The following ST18 variants were observed in gnomAD, a reference collection of about 807,000 sequenced individuals.
The protein encoded by ST18 is suppression of tumorigenicity 18 protein.
In ST18, 50 loss-of-function variants were observed where a neutral mutation model predicts 110.0. The ratio of observed to expected loss-of-function variants is 0.45; its 90% CI spans 0.36 to 0.58. The LOEUF (loss-of-function observed/expected upper bound fraction) is 0.58. ST18 is among the 20% of genes least tolerant of loss of function. The probability of loss-of-function intolerance (pLI) is 0.00; values close to 1 mark genes in which losing one functional copy is unlikely to be tolerated. For synonymous variants in ST18, 461 were observed against 452.4 expected, an observed-to-expected ratio of 1.02 and a Z score of -0.24; for missense variants, 1,306 against 1,280.1, an observed-to-expected ratio of 1.02 and a Z score of -0.31.
At chr8:52,266,617 C>T (rs2094880708) in intron 2 of ST18, among the ~76,000 whole-genome samples, 1 of 150,782 alleles carries the variant, frequency 6.6e-6, no homozygotes, top group South Asian at 2.1e-4. Flanking sequence ...TCTCGGCTCA[C>T]TGCAGCCTCC....
At chr8:52,166,672 T>C (rs965704543) in intron 11 of ST18, among the ~76,000 whole-genome samples, 180 bp downstream of exon 11, 20 of 152,258 alleles carry the variant, frequency 1.3e-4, no homozygotes, top group Non-Finnish European at 2.6e-4. Flanking sequence ...TTGGCTTTCT[T>C]GCACCTTGAA....
At chr8:52,311,966 C>T (rs1361954303) in intron 2 of ST18, among the ~76,000 whole-genome samples, 2 of 152,194 alleles carry the variant, frequency 1.3e-5, no homozygotes, top group Non-Finnish European at 2.9e-5. Context: ...AACAAACTTG[C>T]AGAAATAATA....
In ST18 at chr8:52,113,954, G is replaced by GTTTTTTTTTTTTTTTT. The variant is rs1158213340; in HGVS notation, c.3004-632_3004-617dup. Among the ~76,000 whole-genome samples the GTTTTTTTTTTTTTTTT allele has an allele frequency of 4.0e-4, 18 of 45,442 alleles. 6 individuals are homozygous for GTTTTTTTTTTTTTTTT. The highest frequency in any genetic ancestry group is 9.5e-4 in the Admixed American group (2 of 2,100). The allele number at this position is 45,442 out of a possible 152,430, so 29.8% of individuals were successfully genotyped here. On this transcript the variant is annotated intron_variant, in intron 25 of 25. Transcript: ENST00000689386. ...CAAAGTTTAAATTTATTCATACCGT[G>GTTTTTTTTTTTTTTTT]TTTTTTTTTTTTTTTTTTTTTTTTT...
intron 25 of ST18, among the ~76,000 whole-genome samples, chr8:52,113,959 T>TTTG (rs2041464891): frequency 4.5e-5 from 2 of 44,700 alleles, no homozygotes; most frequent in Non-Finnish European, 7.5e-5. Context: ...ACCGTGTTTT[T>TTTG]TTTTTTTTTT....
At position 52,170,447 on chromosome 8, in the gene ST18, AAAATCAATAAATAAAT is replaced by A. The variant is rs1368006743; in HGVS notation, c.1069+1329_1069+1344del. Among the ~76,000 whole-genome samples the A allele has an allele frequency of 9.0e-3, 1,266 of 140,056 alleles. 18 individuals are homozygous for A. Among genetic ancestry groups the A allele is most frequent in the African/African-American group, 0.033 (1,222 of 37,046 alleles). 91.9% of individuals were successfully genotyped at this position (140,056 alleles called of 152,430 possible). A position where few individuals can be genotyped will look rare whatever the true frequency, so the allele number is the denominator to read the frequency against. Reference sequence around the variant, plus strand: ...AGCCTGGGCAACAGAGCAAAACTCAAAAATCAATAAATAAATAAATAAATAAATAAATAAATAAATA... The same window carrying A: ...AGCCTGGGCAACAGAGCAAAACTCAAAAATAAATAAATAAATAAATAAATA... On this transcript the variant is annotated intron_variant, in intron 10 of 25. Coordinates refer to ENST00000689386, the MANE Select transcript of ST18 (RefSeq NM_001352837.2).
intron 16 of ST18, 126 bp from the exon 17 acceptor site, chr8:52,143,171 C>A (rs1401917906): frequency 7.8e-6 from 5 of 638,698 alleles, no homozygotes; most frequent in Non-Finnish European, 1.4e-5. Context: ...GGCTGAAATA[C>A]CTTAGAGGAT....
At chr8:52,234,724 C>T (rs890496121) in intron 2 of ST18, among the ~76,000 whole-genome samples, 6 of 121,514 alleles carry the variant, frequency 4.9e-5, no homozygotes, top group African/African-American at 2.2e-4. Context: ...GATAAAGAAA[C>T]TATGGTGTGT....
At chr8:52,279,229 C>A (rs570771836) in intron 2 of ST18, among the ~76,000 whole-genome samples, 2 of 152,020 alleles carry the variant, frequency 1.3e-5, no homozygotes, top group South Asian at 4.2e-4. Flanking sequence ...GACAGGCAGA[C>A]TGAAAAAGAA....
chr8:52,372,821 C>T (rs910536596), intron 2 of ST18, among the ~76,000 whole-genome samples: 2 of 152,116 alleles, frequency 1.3e-5, no homozygotes, highest in Non-Finnish European at 2.9e-5. Flanking sequence ...TTTCTCAAAT[C>T]GTATCCCCAT....
At chr8:52,254,987 G>A (rs1285034109) in intron 2 of ST18, among the ~76,000 whole-genome samples, 1 of 152,160 alleles carries the variant, frequency 6.6e-6, no homozygotes, top group East Asian at 1.9e-4. Context: ...AGATACAGCG[G>A]GAGAGCTTGC....
rs772517331 is a variant in ST18, at chr8:52,161,523, G to A, written c.1446C>T (p.Ala482=). Residue 482 remains alanine (A), a synonymous_variant, in exon 14 of 26, where the codon GCC becomes GCT. Transcript: ENST00000689386. Reference sequence around the variant, plus strand: ...ACACTGTGGCTCTGGGAGAGGTGATGGCTTGTGACGGGAAATTGAATTCAA... The same window carrying A: ...ACACTGTGGCTCTGGGAGAGGTGATAGCTTGTGACGGGAAATTGAATTCAA... The part of the protein sequence containing the change: ...KQIEFNFPSQ[A]ITSPRATVSK... 1.4e-5 allele frequency: 23 copies of A among 1,614,084 alleles called. No individual in the cohort carries two copies. The Admixed American group carries it at 3.0e-4, about 21-fold the overall frequency.
At chr8:52,119,703 C>T (rs2043948621) in intron 23 of ST18, among the ~76,000 whole-genome samples, 1 of 152,030 alleles carries the variant, frequency 6.6e-6, no homozygotes, top group African/African-American at 2.4e-5. Flanking sequence ...ACCACATGCC[C>T]ACCAAAAACA....
chr8:52,130,119 A>AAAGAAAAG (rs67888949), intron 22 of ST18, among the ~76,000 whole-genome samples: 1,499 of 105,166 alleles, frequency 0.014, 18 homozygotes, highest in South Asian at 0.022. Flanking sequence ...AGAAAGAAAG[A>AAAGAAAAG]AAAGAAAGAA....
At chr8:52,288,956 A>G (rs1206706233) in intron 2 of ST18, among the ~76,000 whole-genome samples, 4 of 152,094 alleles carry the variant, frequency 2.6e-5, no homozygotes, top group African/African-American at 7.2e-5. Flanking sequence ...CTAGAGATTC[A>G]TGGCACGTGT....
chr8:52,113,655 C>T (rs1336157343), intron 25 of ST18, among the ~76,000 whole-genome samples: 1 of 152,192 alleles, frequency 6.6e-6, no homozygotes, highest in Non-Finnish European at 1.5e-5. Context: ...TCAGCCTTGA[C>T]TGCACATGCC....
intron 2 of ST18, among the ~76,000 whole-genome samples, chr8:52,306,363 T>C (rs1032514663): frequency 2.0e-5 from 3 of 152,152 alleles, no homozygotes; most frequent in Non-Finnish European, 4.4e-5. Flanking sequence ...GCAGAATCCT[T>C]AAGGGCAGGG....
At chr8:52,294,929 G>T (rs202118690) in intron 2 of ST18, among the ~76,000 whole-genome samples, 24 of 152,288 alleles carry the variant, frequency 1.6e-4, no homozygotes, top group Admixed American at 1.2e-3. Context: ...TTTGTAAGTT[G>T]TTATATGCTA....
chr8:52,185,907 C>A (rs913148557), intron 8 of ST18, among the ~76,000 whole-genome samples: 2 of 152,112 alleles, frequency 1.3e-5, no homozygotes, highest in Admixed American at 1.3e-4. Context: ...ATAAACAACA[C>A]TAATTTAAAG....
At chr8:52,132,780 A>G (rs2050216444) in intron 21 of ST18, among the ~76,000 whole-genome samples, 1 of 152,230 alleles carries the variant, frequency 6.6e-6, no homozygotes, top group Non-Finnish European at 1.5e-5. Context: ...TTATCATTGT[A>G]TAGTACTTCC....
Sources: allele counts gnomAD v4.1 joint callset (sites outside exome capture counted in the v4.1 genomes callset), GRCh38; gene constraint gnomAD v4.1.1; transcripts MANE v1.5; gene names NCBI Gene and HGNC (gene_info 2026-07-23, HGNC 2026-07-21).